RERE: variants seen among roughly 807,000 people sequenced by gnomAD.
RERE encodes the protein arginine-glutamic acid dipeptide repeats protein.
Under a neutral mutation model 146.1 loss-of-function variants are expected in RERE, and 40 were observed. The ratio of observed to expected loss-of-function variants is 0.27; its 90% confidence interval spans 0.21 to 0.36. The LOEUF (loss-of-function observed/expected upper bound fraction) is 0.36. Among genes scored for constraint, RERE ranks in the 10% least tolerant of loss-of-function variants. The probability of loss-of-function intolerance (pLI) is 1.00; values close to 1 mark genes in which losing one functional copy is unlikely to be tolerated. For synonymous variants in RERE, 1,003 were observed against 866.0 expected, an observed-to-expected ratio of 1.16 and a Z score of -2.78; for missense variants, 1,933 against 2,138.7, an observed-to-expected ratio of 0.90 and a Z score of 1.90.
chr1:8,771,241 G>C (rs1205757460), intron 1 of RERE, among the ~76,000 whole-genome samples: 1 of 151,934 alleles, frequency 6.6e-6, no homozygotes, highest in East Asian at 1.9e-4. Context: ...ATTAGAAACT[G>C]GGCCGGGCGT....
chr1:8,675,337 T>C (rs1308705161), intron 1 of RERE, among the ~76,000 whole-genome samples: 1 of 151,936 alleles, frequency 6.6e-6, no homozygotes, highest in East Asian at 1.9e-4. Context: ...ATAAAAAGCA[T>C]TTTTAGAATA....
intron 2 of RERE, among the ~76,000 whole-genome samples, chr1:8,637,802 T>G (rs2124272787): frequency 6.6e-6 from 1 of 152,342 alleles, no homozygotes; most frequent in African/African-American, 2.4e-5. Flanking sequence ...AACTACAAAT[T>G]CAGTCACTTT....
chr1:8,414,235 A>C (rs553706626), intron 12 of RERE, among the ~76,000 whole-genome samples: 1 of 151,958 alleles, frequency 6.6e-6, no homozygotes, highest in Admixed American at 6.6e-5. Context: ...CAACTTTGTC[A>C]ACTGGGATAG....
intron 8 of RERE, among the ~76,000 whole-genome samples, chr1:8,503,924 TAA>T (rs1303597024): frequency 1.3e-5 from 2 of 152,044 alleles, no homozygotes; most frequent in Non-Finnish European, 2.9e-5. Context: ...TTGAAGCAAA[TAA>T]GTAATTTTGT....
At position 8,812,954 on chromosome 1, in the gene RERE, C is replaced by A. The variant is rs559539704; in HGVS notation, c.-145+4206G>T. Among the ~76,000 whole-genome samples the A allele has an allele frequency of 3.9e-4, 59 of 151,104 alleles. 1 individual carries two copies. Among genetic ancestry groups the A allele is most frequent in the Middle Eastern group, 3.4e-3 (1 of 290 alleles). On this transcript the variant is annotated intron_variant, in intron 1 of 22. Coordinates refer to ENST00000400908, the MANE Select transcript of RERE (RefSeq NM_001042681.2). ...TCTCCTCCATTATTTAAAAAAAAAA[C>A]ACACACACACACAAACTATAACTCT...
At chr1:8,551,079 G>C (rs1374274053) in intron 6 of RERE, among the ~76,000 whole-genome samples, 3 of 152,172 alleles carry the variant, frequency 2.0e-5, no homozygotes, top group Non-Finnish European at 4.4e-5. Flanking sequence ...TATAATAGGA[G>C]CCCCTGGGTA....
Position 8,354,398 on chromosome 1 carries a change from T to C in RERE, c.*689A>G, listed in dbSNP as rs935708432. 1.3e-5 allele frequency: 2 copies of C among 152,576 alleles called. No individual in the cohort carries two copies. Among genetic ancestry groups the C allele is most frequent in the Non-Finnish European group, 2.9e-5 (2 of 68,044 alleles). The allele number at this position is 152,576 out of a possible 1,614,324, so 9.5% of individuals were successfully genotyped here. ...TGGAACGCCCCTTTGCTCCCTTTAA[T>C]TAAAGGGATAATTATATATAACTTT... On this transcript the variant is annotated 3_prime_UTR_variant, in exon 23 of 23. Coordinates refer to ENST00000400908, the MANE Select transcript of RERE (RefSeq NM_001042681.2).
rs568458279 is a variant in RERE at position 8,650,615 on chromosome 1, T to C, written c.325+5358A>G. Among the ~76,000 whole-genome samples the C allele has an allele frequency of 2.6e-5, 4 of 152,114 alleles. 2 individuals are homozygous for C. In the South Asian group the frequency reaches 8.3e-4, roughly 32 times the overall value. Reference sequence around the variant, plus strand: ...CTGTCTCTACAAAAAATACAAAAATTAGGCCAGGAGCAGTGGCTCACGCCT... The same window carrying C: ...CTGTCTCTACAAAAAATACAAAAATCAGGCCAGGAGCAGTGGCTCACGCCT... On this transcript the variant is annotated intron_variant, in intron 2 of 22. Transcript: ENST00000400908.
chr1:8,532,472 G>A (rs1295075679), intron 7 of RERE, among the ~76,000 whole-genome samples: 1 of 152,132 alleles, frequency 6.6e-6, no homozygotes, highest in Non-Finnish European at 1.5e-5. Context: ...CCAGGCTGGA[G>A]TGCAATGGCA....
chr1:8,478,544 A>C (rs1644790081), intron 10 of RERE, among the ~76,000 whole-genome samples: 1 of 152,104 alleles, frequency 6.6e-6, no homozygotes, highest in Non-Finnish European at 1.5e-5. Context: ...CAGTGTCATT[A>C]CCTATGAACC....
chr1:8,403,803 A>AT (rs1643348117), intron 12 of RERE, among the ~76,000 whole-genome samples: 1 of 62,460 alleles, frequency 1.6e-5, no homozygotes, highest in Non-Finnish European at 3.6e-5. Context: ...TTCTTTTTCT[A>AT]TTTTTCTTAA....
At position 8,465,919 on chromosome 1, in the gene RERE, G is replaced by A. The variant is rs372365265; in HGVS notation, c.1203+6C>T. 8.7e-6 allele frequency: 14 copies of A among 1,613,310 alleles called. No homozygotes were observed. Among genetic ancestry groups the A allele is most frequent in the South Asian group, 1.1e-5 (1 of 91,070 alleles). On this transcript the variant is annotated splice_donor_region_variant and intron_variant, in intron 11 of 22. Transcript: ENST00000400908. ...GAGCACAAGGCAAATGCTGGTTCCT[G>A]CTCACCACTTCGTCCTCGGTCCAGC... is the stretch of plus-strand genomic sequence containing the variant.
chr1:8,381,786 C>A (rs1210207594), intron 12 of RERE, among the ~76,000 whole-genome samples: 3 of 152,180 alleles, frequency 2.0e-5, no homozygotes, highest in African/African-American at 7.2e-5. Context: ...CACGTATGCA[C>A]TAATGTGCGC....
chr1:8,384,002 G>A (rs895614825), intron 12 of RERE, among the ~76,000 whole-genome samples: 1 of 152,172 alleles, frequency 6.6e-6, no homozygotes, highest in African/African-American at 2.4e-5. Flanking sequence ...ATGAAAATTA[G>A]TGGCTTAGAT....
chr1:8,706,685 AC>A (rs1160222542), intron 1 of RERE, among the ~76,000 whole-genome samples: 2 of 152,210 alleles, frequency 1.3e-5, no homozygotes, highest in African/African-American at 4.8e-5. Context: ...CCTCCCTTTT[AC>A]ACTGAACTTA....
chr1:8,729,217 A>ATTTTTTTTTTTTTTTTTTTTTTTTT (rs1173630956), intron 1 of RERE, among the ~76,000 whole-genome samples: 1 of 100,420 alleles, frequency 1.0e-5, no homozygotes, highest in Non-Finnish European at 1.9e-5. Flanking sequence ...AGCTACACCG[A>ATTTTTTTTTTTTTTTTTTTTTTTTT]TTTTTTTTTT....
At chr1:8,728,831 C>T (rs1356235458) in intron 1 of RERE, among the ~76,000 whole-genome samples, 1 of 152,172 alleles carries the variant, frequency 6.6e-6, no homozygotes, top group East Asian at 1.9e-4. Context: ...TCTGAAACAG[C>T]AGCTAGCAAC....
intron 1 of RERE, among the ~76,000 whole-genome samples, chr1:8,743,715 C>G (rs533083473): frequency 2.7e-4 from 41 of 152,198 alleles, no homozygotes; most frequent in African/African-American, 9.6e-4. Context: ...TCTACCAAGA[C>G]TGATCTTTCC....
intron 1 of RERE, among the ~76,000 whole-genome samples, chr1:8,803,739 T>G (rs1236448910): frequency 6.6e-6 from 1 of 151,940 alleles, no homozygotes; most frequent in Admixed American, 6.6e-5. Context: ...TTTGTTTTTT[T>G]TTTTTAGAGA....
Sources: gnomAD v4.1 joint callset for allele counts (sites outside exome capture counted in the v4.1 genomes callset) on GRCh38, gnomAD v4.1.1 for gene constraint, MANE v1.5 for transcripts, NCBI Gene and HGNC (gene_info 2026-07-23, HGNC 2026-07-21) for gene names.